Variants in JADE2 observed in about 807,000 individuals in gnomAD.
The protein encoded by JADE2 is E3 ubiquitin-protein ligase Jade-2.
In JADE2, 13 loss-of-function variants were observed where a neutral mutation model predicts 85.7. The ratio of observed to expected loss-of-function variants is 0.15; its 90% CI spans 0.10 to 0.24. The LOEUF is 0.24. Ranked by LOEUF, JADE2 falls within the 10% of genes least tolerant of loss-of-function variation. JADE2 has a pLI of 1.00. For missense variants in JADE2, 846 were observed against 1,115.9 expected (o/e 0.76, Z 3.45); for synonymous variants, 440 against 456.1 (o/e 0.96, Z 0.45).
At chr5:134,549,042 G>A (rs1042995645) in intron 3 of JADE2, among the ~76,000 whole-genome samples, 16 of 152,168 alleles carry the variant, frequency 1.1e-4, no homozygotes, top group African/African-American at 3.9e-4. Flanking sequence ...GAATATAGCC[G>A]ACAGCAGGAC....
At chr5:134,524,268 C>G (rs1760680917), upstream of JADE2, 1 of 152,312 alleles carries the variant, frequency 6.6e-6, no homozygotes, top group African/African-American at 2.4e-5. Context: ...AAGGTGAGCT[C>G]GGCGGGCGCA....
intron 10 of JADE2, 124 bp downstream of exon 10, chr5:134,573,886 C>A: frequency 1.3e-6 from 1 of 769,282 alleles, no homozygotes; most frequent in Admixed American, 1.8e-5. Flanking sequence ...GGCCACTGGC[C>A]CCCACTCCTA....
At chr5:134,573,460 A>G (rs1039280100) in intron 9 of JADE2, among the ~76,000 whole-genome samples, 185 bp from the exon 10 acceptor site, 1 of 152,196 alleles carries the variant, frequency 6.6e-6, no homozygotes, top group African/African-American at 2.4e-5. Flanking sequence ...GATCCGAGAC[A>G]TGCAGCACAG....
chr5:134,536,332 G>A (rs1186633843), intron 2 of JADE2, among the ~76,000 whole-genome samples: 1 of 152,114 alleles, frequency 6.6e-6, no homozygotes, highest in Non-Finnish European at 1.5e-5. Context: ...CTTGATAAGA[G>A]GTCTCTTGTC....
intron 9 of JADE2, among the ~76,000 whole-genome samples, chr5:134,570,508 T>C (rs777546496): frequency 6.6e-6 from 1 of 152,068 alleles, no homozygotes; most frequent in South Asian, 2.1e-4. Flanking sequence ...CCCACCCCCA[T>C]CTCTCCTTTC....
chr5:134,569,090 A>G (rs970749573), intron 9 of JADE2, among the ~76,000 whole-genome samples: 1 of 152,212 alleles, frequency 6.6e-6, no homozygotes, highest in African/African-American at 2.4e-5. Context: ...TGTCTGTAAA[A>G]TGGGAATAAG....
At chr5:134,554,302 G>C (rs910204039) in intron 4 of JADE2, among the ~76,000 whole-genome samples, 1 of 152,126 alleles carries the variant, frequency 6.6e-6, no homozygotes, top group African/African-American at 2.4e-5. Context: ...AATCAGGGGT[G>C]CCCCAGGCCT....
chr5:134,578,758 AACCACC>A lies in JADE2; in HGVS notation c.1959_1964del (p.Pro654_Pro655del), dbSNP rs527326162. 5 of 1,613,442 alleles carry A rather than the reference AACCACC, an allele frequency of 3.1e-6. No individual in the cohort carries two copies. In the Admixed American group the frequency reaches 5.0e-5, roughly 16 times the overall value. ...CGCACCCGCCTGCCTGCCAAGAAGA[AACCACC>A]ACCACCACCACCGCAGGACGGGCCT... is the stretch of plus-strand genomic sequence containing the variant. On this transcript the variant is annotated inframe_deletion, in exon 12 of 12. Transcript: ENST00000681547. This position sits in a 1 kb window ranked among gnomAD's most constrained non-coding sequence, Gnocchi z 4.4.
At chr5:134,534,504 C>G (rs1761460104) in intron 1 of JADE2, among the ~76,000 whole-genome samples, 1 of 152,000 alleles carries the variant, frequency 6.6e-6, no homozygotes, top group Non-Finnish European at 1.5e-5. Context: ...AAGCTCCCGG[C>G]TAAGATCAAG....
chr5:134,577,531 C>G (rs1764450764), intron 11 of JADE2, among the ~76,000 whole-genome samples: 1 of 152,164 alleles, frequency 6.6e-6, no homozygotes. Context: ...CCCTCTGTCT[C>G]AAGAAGGGGA....
At chr5:134,539,352 C>A (rs1232891927) in intron 3 of JADE2, among the ~76,000 whole-genome samples, 2 of 152,292 alleles carry the variant, frequency 1.3e-5, no homozygotes, top group Admixed American at 6.5e-5. Flanking sequence ...CATGAGCCAC[C>A]GCGCCCGGCC....
At chr5:134,568,805 C>T (rs1483060944) in intron 9 of JADE2, among the ~76,000 whole-genome samples, 2 of 152,236 alleles carry the variant, frequency 1.3e-5, no homozygotes, top group African/African-American at 2.4e-5. Flanking sequence ...GAATGAACAG[C>T]GACAAGAACC....
intron 1 of JADE2, chr5:134,526,357 G>A (rs1172107250): frequency 2.0e-6 from 2 of 984,982 alleles, no homozygotes; most frequent in Non-Finnish European, 2.4e-6. Context: ...GGCGCGGGCG[G>A]GCGGGGGCGC....
At chr5:134,538,183 C>A in intron 3 of JADE2, 100 bp downstream of exon 3, 2 of 906,064 alleles carry the variant, frequency 2.2e-6, no homozygotes, top group Non-Finnish European at 3.5e-6. Context: ...ACGGGCAGTG[C>A]AGAGGGAGGC....
intron 8 of JADE2, 37 bp downstream of exon 8, chr5:134,564,647 G>GGCTGAGAGGCAT: frequency 1.5e-6 from 2 of 1,373,320 alleles, no homozygotes; most frequent in Non-Finnish European, 2.0e-6. Context: ...GCCAGGAGCT[G>GGCTGAGAGGCAT]GCTGAGAGGC....
At chr5:134,561,609 C>G (rs538091564) in intron 6 of JADE2, among the ~76,000 whole-genome samples, 3 of 152,300 alleles carry the variant, frequency 2.0e-5, no homozygotes, top group Admixed American at 6.5e-5. Context: ...CACTCTGGCC[C>G]TGATTTTGAG....
At chr5:134,574,113 G>A in intron 10 of JADE2, 1 of 352,256 alleles carries the variant, frequency 2.8e-6, no homozygotes. Context: ...AGGCAGGAAG[G>A]GCCAGAAGCT....
At chr5:134,561,317 C>G (rs1201053235) in intron 6 of JADE2, among the ~76,000 whole-genome samples, 1 of 152,250 alleles carries the variant, frequency 6.6e-6, no homozygotes, top group Admixed American at 6.5e-5. Flanking sequence ...AATCGTGGCT[C>G]TGCCCTTCAC....
At position 134,562,472 on chromosome 5, in the gene JADE2, G is replaced by A. The variant is rs1418061176; in HGVS notation, c.852+105G>A. ...ACTGGGAAAAGAAGGTGATGGACTC[G>A]CACTAAAACACTGAGATCGGCCGGG... is the stretch of plus-strand genomic sequence containing the variant. On this transcript the variant is annotated intron_variant, in intron 7 of 11. Coordinates refer to ENST00000681547, the MANE Select transcript of JADE2 (RefSeq NM_001388185.1). The surrounding 1 kb of genome is among the most constrained non-coding windows in gnomAD (Gnocchi z 4.6). 11 of 1,180,298 alleles carry A rather than the reference G, an allele frequency of 9.3e-6. No individual in the cohort carries two copies. Among genetic ancestry groups the A allele is most frequent in the African/African-American group, 7.7e-5 (5 of 65,156 alleles). The allele number at this position is 1,180,298 out of a possible 1,614,324, so 73.1% of individuals were successfully genotyped here.
Sources: allele counts gnomAD v4.1 joint callset (sites outside exome capture counted in the v4.1 genomes callset), GRCh38; gene constraint gnomAD v4.1.1; non-coding constraint Gnocchi (gnomAD v3.1); transcripts MANE v1.5; gene names NCBI Gene and HGNC (gene_info 2026-07-23, HGNC 2026-07-21).